Variants in PPHLN1 observed in about 807,000 individuals in gnomAD.
PPHLN1 encodes periphilin-1.
PPHLN1 carries 29 observed loss-of-function variants against 51.3 expected under a neutral mutation model. The observed-to-expected ratio is 0.57, with a 90% CI of 0.42 to 0.77. The LOEUF (loss-of-function observed/expected upper bound fraction) is 0.77. PPHLN1 is among the 30% of genes least tolerant of loss of function. The pLI, the probability that PPHLN1 is intolerant of heterozygous loss-of-function variation, is 0.00. For missense variants in PPHLN1, 436 were observed against 438.4 expected (o/e 0.99, Z 0.05); for synonymous variants, 147 against 147.8 (o/e 0.99, Z 0.04).
At chr12:42,434,632 T>G (rs2082319750) in intron 9 of PPHLN1, among the ~76,000 whole-genome samples, 1 of 152,212 alleles carries the variant, frequency 6.6e-6, no homozygotes, top group Non-Finnish European at 1.5e-5. Flanking sequence ...AAGTGAAGTG[T>G]TGAGTATTAT....
intron 9 of PPHLN1, among the ~76,000 whole-genome samples, chr12:42,412,536 T>C (rs868719701): frequency 2.0e-5 from 3 of 152,214 alleles, no homozygotes; most frequent in Non-Finnish European, 4.4e-5. Flanking sequence ...TGAATTGTGC[T>C]ACAATAAACG....
At chr12:42,442,564 A>G (rs761651499), downstream of PPHLN1, 36 of 1,593,470 alleles carry the variant, frequency 2.3e-5, no homozygotes, top group Non-Finnish European at 2.9e-5. Flanking sequence ...GGGCTGCGCT[A>G]AAGCCGGCAG....
At chr12:42,401,879 G>A (rs779809433) in intron 9 of PPHLN1, among the ~76,000 whole-genome samples, 1 of 152,030 alleles carries the variant, frequency 6.6e-6, no homozygotes, top group East Asian at 1.9e-4. Flanking sequence ...TTTTGAGACA[G>A]GGTCTTACTC....
intron 1 of PPHLN1, among the ~76,000 whole-genome samples, chr12:42,335,527 C>T (rs1353363574): frequency 7.2e-5 from 11 of 151,944 alleles, no homozygotes; most frequent in African/African-American, 2.2e-4. Context: ...GCCATTTAAA[C>T]GATTCATTAA....
intron 2 of PPHLN1, among the ~76,000 whole-genome samples, chr12:42,341,992 C>T (rs1171590721): frequency 6.6e-6 from 1 of 152,066 alleles, no homozygotes; most frequent in East Asian, 1.9e-4. Flanking sequence ...TTTATTTGGC[C>T]TTAAACTTGG....
chr12:42,353,932 A>G (rs2073720968), intron 3 of PPHLN1, among the ~76,000 whole-genome samples: 1 of 152,036 alleles, frequency 6.6e-6, no homozygotes, highest in Non-Finnish European at 1.5e-5. Flanking sequence ...TTTTTCTTTA[A>G]ATTCTCTTCA....
At chr12:42,442,599 T>C, downstream of PPHLN1, 1 of 1,612,428 alleles carries the variant, frequency 6.2e-7, no homozygotes, top group South Asian at 1.1e-5. Flanking sequence ...TTACACAAAA[T>C]ACCTGCGTCT....
chr12:42,423,616 G>C (rs1437159748), intron 9 of PPHLN1, among the ~76,000 whole-genome samples: 2 of 152,002 alleles, frequency 1.3e-5, no homozygotes, highest in East Asian at 3.8e-4. Context: ...AGTAGAAGTA[G>C]CAATAGCTAT....
intron 2 of PPHLN1, among the ~76,000 whole-genome samples, chr12:42,349,133 G>A (rs1195358225): frequency 6.6e-6 from 1 of 152,160 alleles, no homozygotes; most frequent in Non-Finnish European, 1.5e-5. Context: ...AATTGTTGTA[G>A]TCATTAGGGC....
At chr12:42,410,063 T>C (rs972461054) in intron 9 of PPHLN1, among the ~76,000 whole-genome samples, 2 of 152,106 alleles carry the variant, frequency 1.3e-5, no homozygotes, top group African/African-American at 2.4e-5. Context: ...ATAGTACTCA[T>C]TGTAAATCTC....
intron 7 of PPHLN1, among the ~76,000 whole-genome samples, chr12:42,389,418 G>T (rs151223957): frequency 1.9e-4 from 29 of 151,566 alleles, no homozygotes; most frequent in African/African-American, 6.8e-4. Context: ...CAATTAGCCG[G>T]GTGTGGTGGC....
At chr12:42,366,833 A>G (rs2075321299) in intron 4 of PPHLN1, among the ~76,000 whole-genome samples, 1 of 152,186 alleles carries the variant, frequency 6.6e-6, no homozygotes, top group South Asian at 2.1e-4. Flanking sequence ...TAATGGTCCT[A>G]AAAAGGGAAA....
At chr12:42,327,120 A>G (rs1277786094) in intron 1 of PPHLN1, among the ~76,000 whole-genome samples, 1 of 152,204 alleles carries the variant, frequency 6.6e-6, no homozygotes, top group Non-Finnish European at 1.5e-5. Context: ...TTACCGCCCA[A>G]GATGTAAGCT....
chr12:42,379,108 T>C (rs2076548831), intron 5 of PPHLN1, among the ~76,000 whole-genome samples: 1 of 152,022 alleles, frequency 6.6e-6, no homozygotes, highest in South Asian at 2.1e-4. Flanking sequence ...CTAATACTTA[T>C]TTTCTTTTTT....
intron 2 of PPHLN1, among the ~76,000 whole-genome samples, chr12:42,349,811 A>G (rs1364979935): frequency 6.6e-6 from 1 of 152,202 alleles, no homozygotes; most frequent in Non-Finnish European, 1.5e-5. Flanking sequence ...ACTTCTTTCT[A>G]CACAGACACA....
intron 4 of PPHLN1, chr12:42,355,431 T>C: frequency 4.3e-6 from 2 of 465,876 alleles, no homozygotes; most frequent in South Asian, 2.4e-5. Context: ...TTGTAACTCA[T>C]AAAAAAATAT....
At chr12:42,420,499 C>T (rs1197626289) in intron 9 of PPHLN1, among the ~76,000 whole-genome samples, 1 of 150,146 alleles carries the variant, frequency 6.7e-6, no homozygotes, top group East Asian at 2.0e-4. Flanking sequence ...GATGGAGTCT[C>T]ACTTTCTTGC....
chr12:42,448,274 C>T (rs1157180815), downstream of PPHLN1: 4 of 152,562 alleles, frequency 2.6e-5, no homozygotes, highest in African/African-American at 9.7e-5. Context: ...CTCCCCTTCC[C>T]CAAATTACAG....
intron 7 of PPHLN1, among the ~76,000 whole-genome samples, chr12:42,393,202 G>A (rs144584131): frequency 6.6e-6 from 1 of 152,138 alleles, no homozygotes; most frequent in Non-Finnish European, 1.5e-5. Context: ...CTGAAATTTA[G>A]ACATTACTTA....
Sources: gnomAD v4.1 joint callset for allele counts (sites outside exome capture counted in the v4.1 genomes callset) on GRCh38, gnomAD v4.1.1 for gene constraint, MANE v1.5 for transcripts, NCBI Gene and HGNC (gene_info 2026-07-23, HGNC 2026-07-21) for gene names.